The following SPMIP3 variants were observed in gnomAD, a reference collection of about 807,000 sequenced individuals.
SPMIP3 encodes the protein protein SPMIP3.
At chr1:244,371,349 C>A in the SPMIP3 span, among the ~76,000 whole-genome samples, 1 of 152,198 alleles carries the variant, frequency 6.6e-6, no homozygotes, top group Non-Finnish European at 1.5e-5. Context: ...AGAGTCCGCA[C>A]GTGCTTTCAC....
At chr1:244,365,041 G>A in the SPMIP3 span, among the ~76,000 whole-genome samples, 1 of 152,340 alleles carries the variant, frequency 6.6e-6, no homozygotes, top group Admixed American at 6.5e-5. Context: ...TCGGGTAGCA[G>A]TGAGATGAGA....
chr1:244,364,860 T>C, the SPMIP3 span: 6 of 1,215,692 alleles, frequency 4.9e-6, no homozygotes, highest in East Asian at 4.7e-5. Flanking sequence ...CAGAGACTAC[T>C]GCCAGGGAGT....
the SPMIP3 span, among the ~76,000 whole-genome samples, chr1:244,383,582 G>C: frequency 2.0e-5 from 3 of 152,196 alleles, no homozygotes; most frequent in Non-Finnish European, 4.4e-5. Context: ...GGTTATAGGA[G>C]CATATAGTAA....
chr1:244,375,264 TG>T, the SPMIP3 span: 3 of 834,620 alleles, frequency 3.6e-6, no homozygotes, highest in Non-Finnish European at 5.6e-6. Flanking sequence ...TGCCAGAAAC[TG>T]GGGACAAAGA....
chr1:244,353,429 G>C, the SPMIP3 span, among the ~76,000 whole-genome samples: 1 of 152,158 alleles, frequency 6.6e-6, no homozygotes, highest in Admixed American at 6.5e-5. Flanking sequence ...CAGATGTCTC[G>C]TTGTTTGAAG....
At chr1:244,356,661 C>T in the SPMIP3 span, among the ~76,000 whole-genome samples, 1 of 152,142 alleles carries the variant, frequency 6.6e-6, no homozygotes, top group Non-Finnish European at 1.5e-5. Flanking sequence ...GAGCCATGAA[C>T]CTGCACAAGC....
chr1:244,364,218 G>T, the SPMIP3 span, among the ~76,000 whole-genome samples: 1 of 151,794 alleles, frequency 6.6e-6, no homozygotes, highest in African/African-American at 2.4e-5. Context: ...CATTCTCCTG[G>T]CTCAGCCTCC....
At chr1:244,381,505 A>C in the SPMIP3 span, among the ~76,000 whole-genome samples, 1 of 152,120 alleles carries the variant, frequency 6.6e-6, no homozygotes, top group African/African-American at 2.4e-5. Context: ...GCAATGAAAT[A>C]CTCACCACCT....
the SPMIP3 span, among the ~76,000 whole-genome samples, chr1:244,363,359 G>A: frequency 2.6e-5 from 4 of 152,254 alleles, no homozygotes; most frequent in East Asian, 1.9e-4. Context: ...AGTGAGCCAC[G>A]ATTGTGCCAC....
At chr1:244,369,699 A>G in the SPMIP3 span, among the ~76,000 whole-genome samples, 1 of 143,142 alleles carries the variant, frequency 7.0e-6, no homozygotes, top group Admixed American at 6.9e-5. Context: ...CAGGTGTGCC[A>G]TTTGCATAAC....
chr1:244,374,587 CTTTTT>C, the SPMIP3 span, among the ~76,000 whole-genome samples: 33 of 74,634 alleles, frequency 4.4e-4, no homozygotes, highest in African/African-American at 1.5e-3. Context: ...CCACATTTCT[CTTTTT>C]TTTTTTTTTT....
At chr1:244,380,611 G>C in the SPMIP3 span, among the ~76,000 whole-genome samples, 4 of 152,204 alleles carry the variant, frequency 2.6e-5, no homozygotes, top group African/African-American at 4.8e-5. Context: ...AGGAGAAGCA[G>C]AATTCAGCCC....
the SPMIP3 span, among the ~76,000 whole-genome samples, chr1:244,368,146 A>G: frequency 3.3e-5 from 5 of 152,020 alleles, no homozygotes; most frequent in African/African-American, 4.8e-5. Context: ...TTTAGTAGAG[A>G]CAAGGTTTCA....
chr1:244,355,953 CT>C, the SPMIP3 span, among the ~76,000 whole-genome samples: 223 of 151,986 alleles, frequency 1.5e-3, 1 homozygote, highest in Non-Finnish European at 2.3e-3. Flanking sequence ...AATGTTTGTT[CT>C]TTTTTTTATT....
At chr1:244,388,803 A>T in the SPMIP3 span, 1 of 573,324 alleles carries the variant, frequency 1.7e-6, no homozygotes, top group Non-Finnish European at 3.1e-6. Context: ...CTTTTGACTG[A>T]GTCCTTTTTC....
the SPMIP3 span, among the ~76,000 whole-genome samples, chr1:244,355,515 G>C: frequency 6.6e-6 from 1 of 151,958 alleles, no homozygotes; most frequent in Non-Finnish European, 1.5e-5. Flanking sequence ...AGCCTCCCGA[G>C]TAGCTGAGAT....
At chr1:244,370,990 C>T in the SPMIP3 span, among the ~76,000 whole-genome samples, 2 of 152,142 alleles carry the variant, frequency 1.3e-5, no homozygotes, top group African/African-American at 2.4e-5. Flanking sequence ...CCAGCAGGGC[C>T]GTAACAGAGA....
chr1:244,365,177 G>A, the SPMIP3 span, among the ~76,000 whole-genome samples: 2 of 152,322 alleles, frequency 1.3e-5, no homozygotes, highest in Non-Finnish European at 2.9e-5. Context: ...CCGAAGGGCA[G>A]AACTTACAGT....
chr1:244,363,005 G>T, the SPMIP3 span, among the ~76,000 whole-genome samples: 97 of 147,350 alleles, frequency 6.6e-4, 2 homozygotes, highest in South Asian at 0.021. Context: ...CTCCACACCA[G>T]GCTTTTTTTT....
Sources: allele counts gnomAD v4.1 joint callset (sites outside exome capture counted in the v4.1 genomes callset), GRCh38; gene constraint gnomAD v4.1.1; transcripts MANE v1.5; gene names NCBI Gene and HGNC (gene_info 2026-07-23, HGNC 2026-07-21).